DCHS1: variants seen among roughly 807,000 people sequenced by gnomAD.
DCHS1 encodes the protein protocadherin-16.
DCHS1 carries 78 observed loss-of-function variants against 213.9 expected under a neutral mutation model. The observed-to-expected ratio is 0.36, with a 90% CI of 0.30 to 0.44. The LOEUF is 0.44. DCHS1 is among the 20% of genes least tolerant of loss of function. The pLI is 1.00. For missense variants in DCHS1, 3,946 were observed against 4,395.9 expected, an observed-to-expected ratio of 0.90 and a Z score of 2.89; for synonymous variants, 1,828 against 1,873.7, an observed-to-expected ratio of 0.98 and a Z score of 0.63.
rs1354929069 is a variant in DCHS1, at chr11:6,626,648, G to A, written c.6268C>T (p.Pro2090Ser). The A allele has an allele frequency of 1.2e-6, 2 of 1,613,984 alleles. No homozygotes were observed. Among genetic ancestry groups the A allele is most frequent in the Non-Finnish European group, 1.7e-6 (2 of 1,179,896 alleles). Residue 2090 changes from proline (P) to serine (S), a missense_variant, in exon 15 of 21, where the codon CCC (proline) becomes TCC (serine). Transcript: ENST00000299441. This position sits in a 1 kb window ranked among gnomAD's most constrained non-coding sequence, Gnocchi z 5.2. ...GTGCCTCCTGCATGGACGGCCCTGG[G>A]GGAGACAATAGGAGTCCCTGCAGAA... Reference protein sequence around the residue: ...NAPPGTPIVSPRAVHAGGTNG... With the variant: ...NAPPGTPIVSSRAVHAGGTNG...
intron 1 of DCHS1, among the ~76,000 whole-genome samples, chr11:6,653,877 G>A (rs911612096): frequency 1.3e-5 from 2 of 152,188 alleles, no homozygotes; most frequent in Non-Finnish European, 2.9e-5. Context: ...GAGTGTAATG[G>A]GAGCGAGAAC....
Position 6,640,809 on chromosome 11 carries a change from C to A in DCHS1, c.805G>T (p.Ala269Ser), listed in dbSNP as rs918577745. 1.1e-5 allele frequency: 17 copies of A among 1,613,944 alleles called. No homozygotes were observed. Among genetic ancestry groups the A allele is most frequent in the Non-Finnish European group, 1.4e-5 (17 of 1,179,910 alleles). The change falls in exon 2 of 21, where the codon GCC becomes TCC. Residue 269 changes from alanine to serine, a missense_variant. Ala to Ser is a moderately conservative substitution (Grantham distance 99). Around this residue, in one of 3 missense-constraint regions of DCHS1, gnomAD observed 3,384 missense variants for 3,780.1 expected, o/e 0.90. Coordinates refer to ENST00000299441, the MANE Select transcript of DCHS1 (RefSeq NM_003737.4). The surrounding 1 kb of genome is among the most constrained non-coding windows in gnomAD (Gnocchi z 6.5). ...ACCTGCAAGACAGGACTGCCAGGGG[C>A]CAGGCTCTCAGACACCACAGCATGG... ...RYHAVVSESLAPGSPVLQVFA... is the reference protein window; with the variant it reads ...RYHAVVSESLSPGSPVLQVFA...
In DCHS1 at chr11:6,640,068, C is replaced by T. The variant is rs142972252; in HGVS notation, c.1546G>A (p.Ala516Thr). Reference sequence around the variant, plus strand: ...TCAATGGAGAACCAGTGGGTGTGGGCGCCAGGGGCTAGGCTATAAGTGACC... The same window carrying T: ...TCAATGGAGAACCAGTGGGTGTGGGTGCCAGGGGCTAGGCTATAAGTGACC... ...GQVTYSLAPGAHTHWFSIDPT... is the reference protein window; with the variant it reads ...GQVTYSLAPGTHTHWFSIDPT... Residue 516 changes from alanine to threonine, a missense_variant, in exon 2 of 21, where the codon GCC becomes ACC. Coordinates refer to ENST00000299441, the MANE Select transcript of DCHS1 (RefSeq NM_003737.4). The surrounding 1 kb of genome is among the most constrained non-coding windows in gnomAD (Gnocchi z 6.5). The T allele has an allele frequency of 7.6e-4, 1,234 of 1,613,840 alleles. 2 individuals are homozygous for T. The highest frequency in any genetic ancestry group is 2.8e-3 in the Middle Eastern group (17 of 6,084).
chr11:6,639,849 C>G lies in DCHS1; in HGVS notation c.1765G>C (p.Glu589Gln). The G allele has an allele frequency of 1.2e-6, 2 of 1,607,800 alleles. No homozygotes were observed. Residue 589 changes from glutamate to glutamine, a missense_variant, in exon 2 of 21, where the codon GAG becomes CAG. Glu to Gln is a conservative substitution (Grantham distance 29). Coordinates refer to ENST00000299441, the MANE Select transcript of DCHS1 (RefSeq NM_003737.4). ...AAGCAAGTTCCAGGCTGGGTGCCCT[C>G]AGGCAGTGAGGCATTGTAGAAAGTC... The part of the protein sequence containing the change: ...QRTFYNASLP[E>Q]GTQPGTCFLQ...
At chr11:6,645,854 C>A (rs1158929697) in intron 1 of DCHS1, among the ~76,000 whole-genome samples, 3 of 152,314 alleles carry the variant, frequency 2.0e-5, no homozygotes, top group South Asian at 4.1e-4. Flanking sequence ...CCCATGCAGG[C>A]AGATGCACAT....
In DCHS1 at chr11:6,623,738, T is replaced by C; in HGVS notation, c.7938A>G (p.Pro2646=). The C allele has an allele frequency of 6.2e-7, 1 of 1,613,866 alleles. No individual in the cohort carries two copies. The highest frequency in any genetic ancestry group is 8.5e-7 in the Non-Finnish European group (1 of 1,179,892). The change falls in exon 21 of 21, where the codon CCA becomes CCG. Residue 2646 remains proline (P), a synonymous_variant. Coordinates refer to ENST00000299441, the MANE Select transcript of DCHS1 (RefSeq NM_003737.4). ...LVRFTVSSGD[P]SGLFELDESS... ...TCTCATCCAGCTCAAAGAGCCCTGA[T>C]GGGTCGCCTGAGCTGACAGTGAAAC...
At position 6,640,912 on chromosome 11, in the gene DCHS1, G is replaced by C. The variant is rs1044542203; in HGVS notation, c.702C>G (p.Pro234=). The change falls in exon 2 of 21, where the codon CCC becomes CCG. Residue 234 remains proline, a synonymous_variant. Transcript: ENST00000299441. The surrounding 1 kb of genome is among the most constrained non-coding windows in gnomAD (Gnocchi z 6.5). ...CGTCCAGCAGGGCCTGGGCCCTCCG[G>C]GGGGGTGAACCACCATCATAGGCCT... The part of the protein sequence containing the change: ...QLEAYDGGSP[P]RRAQALLDVT... The C allele has an allele frequency of 1.2e-6, 2 of 1,614,020 alleles. No individual in the cohort carries two copies. The highest frequency in any genetic ancestry group is 1.7e-5 in the Admixed American group (1 of 60,024).
rs1217250107 is a variant in DCHS1 at position 6,634,137 on chromosome 11, G to A, written c.1967C>T (p.Thr656Ile). ...ACTTACCCCATCCACAGCTGTCACT[G>A]TGAAGTCAAAGCTTGAGGGCCCCTG... ...RDQGPSSFDF[T>I]VTAVDGGGLK... is the part of the protein sequence containing the mutation. Residue 656 changes from threonine to isoleucine, a missense_variant, in exon 3 of 21, where the codon ACA (threonine) becomes ATA (isoleucine). By Grantham distance (89) the Thr-to-Ile change is moderately conservative. Transcript: ENST00000299441. 2 of 1,606,358 alleles carry A rather than the reference G, an allele frequency of 1.2e-6. No homozygotes were observed. Among genetic ancestry groups the A allele is most frequent in the South Asian group, 1.1e-5 (1 of 90,320 alleles).
rs370902166 is a variant in DCHS1 at position 6,641,896 on chromosome 11, T to G, written c.-120-163A>C. Among the ~76,000 whole-genome samples the G allele has an allele frequency of 6.6e-6, 1 of 152,194 alleles. No individual in the cohort carries two copies. On this transcript the variant is annotated intron_variant, in intron 1 of 20. Coordinates refer to ENST00000299441, the MANE Select transcript of DCHS1 (RefSeq NM_003737.4). This position sits in a 1 kb window ranked among gnomAD's most constrained non-coding sequence, Gnocchi z 7.1. Reference sequence around the variant, plus strand: ...ACACGGATCTCTGCCTCAGGACTCTTCGAGGCCACTCCAGCCTTCCCCTTG... The same window carrying G: ...ACACGGATCTCTGCCTCAGGACTCTGCGAGGCCACTCCAGCCTTCCCCTTG...
At position 6,621,599 on chromosome 11, in the gene DCHS1, C is replaced by G. The variant is rs1274510580; in HGVS notation, c.*180G>C. 1 of 756,582 alleles carries G rather than the reference C, an allele frequency of 1.3e-6. No individual in the cohort carries two copies. The highest frequency in any genetic ancestry group is 2.0e-5 in the Admixed American group (1 of 50,008). 46.9% of individuals were successfully genotyped at this position (756,582 alleles called of 1,614,324 possible). ...GACCTGGTCACAGGTCAGTGAGCAA[C>G]AGGGCTTCTGTGGTCCTAGTACTCT... On this transcript the variant is annotated 3_prime_UTR_variant, in exon 21 of 21. Transcript: ENST00000299441.
chr11:6,627,361 T>C lies in DCHS1; in HGVS notation c.5678A>G (p.Tyr1893Cys). ...GGCTCCTGCTGTACCGGCGCCCAGGTAGTAGGTCACATGGCCATTAGCTCC... is the reference window on the plus strand; with the variant it reads ...GGCTCCTGCTGTACCGGCGCCCAGGCAGTAGGTCACATGGCCATTAGCTCC... The part of the protein sequence containing the change: ...DAGANGHVTY[Y>C]LGAGTAGAFL... The change falls in exon 14 of 21, where the codon TAC becomes TGC. Residue 1893 changes from tyrosine (Y) to cysteine (C), a missense_variant. By Grantham distance (194) the Tyr-to-Cys change is radical (BLOSUM62 -2). Transcript: ENST00000299441. The surrounding 1 kb of genome is among the most constrained non-coding windows in gnomAD (Gnocchi z 5.4). 6.2e-7 allele frequency: 1 copy of C among 1,607,506 alleles called. No individual in the cohort carries two copies. The highest frequency in any genetic ancestry group is 8.5e-7 in the Non-Finnish European group (1 of 1,177,076).
chr11:6,632,685 C>T lies in DCHS1; in HGVS notation c.2827G>A (p.Val943Met), dbSNP rs765753664. 1.5e-5 allele frequency: 23 copies of T among 1,581,698 alleles called. No individual in the cohort carries two copies. Among genetic ancestry groups the T allele is most frequent in the South Asian group, 4.6e-5 (4 of 87,044 alleles). Residue 943 changes from valine to methionine, a missense_variant, in exon 6 of 21, where the codon GTG becomes ATG. By Grantham distance (21) the Val-to-Met change is conservative. Coordinates refer to ENST00000299441, the MANE Select transcript of DCHS1 (RefSeq NM_003737.4). This position sits in a 1 kb window ranked among gnomAD's most constrained non-coding sequence, Gnocchi z 5.9. ...CGTACATGGCCTGTGGTGGGGTCCACGGTGAAGGCTCCACCACCCCCAGCA... is the reference window on the plus strand; with the variant it reads ...CGTACATGGCCTGTGGTGGGGTCCATGGTGAAGGCTCCACCACCCCCAGCA... Reference protein sequence around the residue: ...LLAGGGGAFTVDPTTGHVRLM... With the variant: ...LLAGGGGAFTMDPTTGHVRLM...
In DCHS1 at chr11:6,630,333, G is replaced by T; in HGVS notation, c.4461C>A (p.Arg1487=). Residue 1487 remains arginine (R), a synonymous_variant, in exon 10 of 21, where the codon CGC becomes CGA. Coordinates refer to ENST00000299441, the MANE Select transcript of DCHS1 (RefSeq NM_003737.4). ...LRQEPPVPAL[R]LDARTGALSA... Reference sequence around the variant, plus strand: ...TGAGCGCCCCGGTGCGCGCGTCCAGGCGAAGCGCCGGCACGGGCGGCTCCT... The same window carrying T: ...TGAGCGCCCCGGTGCGCGCGTCCAGTCGAAGCGCCGGCACGGGCGGCTCCT... The T allele has an allele frequency of 7.6e-7, 1 of 1,318,126 alleles. No homozygotes were observed. 81.7% of individuals were successfully genotyped at this position (1,318,126 alleles called of 1,614,324 possible).
chr11:6,635,867 T>C (rs1855979276), intron 2 of DCHS1, among the ~76,000 whole-genome samples: 1 of 152,168 alleles, frequency 6.6e-6, no homozygotes, highest in Non-Finnish European at 1.5e-5. Flanking sequence ...TGACTGGAAA[T>C]GAGCAAGGCA....
chr11:6,622,259 G>A lies in DCHS1; in HGVS notation c.9417C>T (p.Gly3139=). Residue 3139 remains glycine, a synonymous_variant, in exon 21 of 21, where the codon GGC becomes GGT. Transcript: ENST00000299441. This position sits in a 1 kb window ranked among gnomAD's most constrained non-coding sequence, Gnocchi z 5.4. The part of the protein sequence containing the change: ...PTGDYGFPAD[G]KPCVAGALTA... ...TCAGCGCACCTGCCACACATGGCTT[G>A]CCATCTGCTGGGAAGCCATAGTCCC... 1 of 1,603,846 alleles carries A rather than the reference G, an allele frequency of 6.2e-7. No homozygotes were observed. Among genetic ancestry groups the A allele is most frequent in the Non-Finnish European group, 8.5e-7 (1 of 1,176,404 alleles).
In DCHS1 at chr11:6,632,870, C is replaced by T. The variant is rs372468355; in HGVS notation, c.2642G>A (p.Arg881His). 18 of 1,613,888 alleles carry T rather than the reference C, an allele frequency of 1.1e-5. 1 individual carries two copies. The highest frequency in any genetic ancestry group is 1.4e-5 in the Non-Finnish European group (17 of 1,179,886). Residue 881 changes from arginine (R) to histidine (H), a missense_variant, in exon 6 of 21, where the codon CGT (arginine) becomes CAT (histidine). Transcript: ENST00000299441. The surrounding 1 kb of genome is among the most constrained non-coding windows in gnomAD (Gnocchi z 5.9). The part of the protein sequence containing the change: ...VPPAFAVARV[R>H]VLLDDVNDNS... Reference sequence around the variant, plus strand: ...GTCATTCACATCATCCAGCAGCACACGCACCCGAGCTACAGCGAAAGCTGG... The same window carrying T: ...GTCATTCACATCATCCAGCAGCACATGCACCCGAGCTACAGCGAAAGCTGG...
chr11:6,641,491 C>A lies in DCHS1; in HGVS notation c.123G>T (p.Trp41Cys). ...LLLGAGVPGA[W>C]GQAGSLDLQI... The stretch of plus-strand genomic sequence containing the variant: ...GCAAGTCCAGGCTCCCAGCCTGACC[C>A]CAGGCACCTGGCACCCCAGCCCCCA... The change falls in exon 2 of 21, where the codon TGG (tryptophan) becomes TGT (cysteine). Residue 41 changes from tryptophan (W) to cysteine (C), a missense_variant. Coordinates refer to ENST00000299441, the MANE Select transcript of DCHS1 (RefSeq NM_003737.4). The surrounding 1 kb of genome is among the most constrained non-coding windows in gnomAD (Gnocchi z 7.1). 1 of 1,568,272 alleles carries A rather than the reference C, an allele frequency of 6.4e-7. No homozygotes were observed. The highest frequency in any genetic ancestry group is 1.2e-5 in the South Asian group (1 of 86,072).
rs1289410605 is a variant in DCHS1 at position 6,629,548 on chromosome 11, C to T, written c.5065G>A (p.Val1689Ile). The change falls in exon 12 of 21, where the codon GTC becomes ATC. Residue 1689 changes from valine to isoleucine, a missense_variant. Val to Ile is a conservative substitution (Grantham distance 29). This residue lies in a region of DCHS1 where 3,384 missense variants were observed against 3,780.1 expected (regional missense o/e 0.90). Transcript: ENST00000299441. ...TCCAGAGAAAAGCTTTCGCTAGAGA[C>T]GCCTCCATAAGTCACTTGCCCGTTG... is the stretch of plus-strand genomic sequence containing the variant. ...GANGQVTYGGVSSESFSLDPD... is the reference protein window; with the variant it reads ...GANGQVTYGGISSESFSLDPD... The T allele has an allele frequency of 2.5e-6, 4 of 1,613,596 alleles. No individual in the cohort carries two copies. Among genetic ancestry groups the T allele is most frequent in the East Asian group, 4.5e-5 (2 of 44,880 alleles).
At position 6,623,042 on chromosome 11, in the gene DCHS1, G is replaced by A; in HGVS notation, c.8634C>T (p.Gly2878=). ...CACCCCCAGAGGTGGCTGTTCCGCT[G>A]CCTGGTGCCCGACTGTCCACCCGCA... ...LYLRVDSRAP[G]SGTATSGGGG... The change falls in exon 21 of 21, where the codon GGC becomes GGT. Residue 2878 remains glycine, a synonymous_variant. Coordinates refer to ENST00000299441, the MANE Select transcript of DCHS1 (RefSeq NM_003737.4). The A allele has an allele frequency of 6.3e-7, 1 of 1,575,626 alleles. No homozygotes were observed. The highest frequency in any genetic ancestry group is 8.6e-7 in the Non-Finnish European group (1 of 1,161,048).
Sources: gnomAD v4.1 joint callset for allele counts (sites outside exome capture counted in the v4.1 genomes callset) on GRCh38, gnomAD v4.1.1 for gene constraint, gnomAD v4.1.1 regional missense constraint, Gnocchi (gnomAD v3.1) non-coding constraint, MANE v1.5 for transcripts, NCBI Gene and HGNC (gene_info 2026-07-23, HGNC 2026-07-21) for gene names.